The following HFM1 variants were observed in gnomAD, a reference collection of about 807,000 sequenced individuals.
HFM1 encodes the protein helicase for meiosis 1.
HFM1 carries 169 observed loss-of-function variants against 192.1 expected under a neutral mutation model. The ratio of observed to expected loss-of-function variants is 0.88; its 90% CI spans 0.78 to 1.00. The LOEUF is 1.00. Among genes scored for constraint, HFM1 ranks in the 50% least tolerant of loss-of-function variants. HFM1 has a pLI of 0.00. For missense variants in HFM1, 1,661 were observed against 1,668.0 expected (o/e 1.00, Z 0.07); for synonymous variants, 525 against 537.8 (o/e 0.98, Z 0.33).
chr1:91,268,438 T>A (rs1280861001), intron 34 of HFM1, among the ~76,000 whole-genome samples: 1 of 151,978 alleles, frequency 6.6e-6, no homozygotes, highest in African/African-American at 2.4e-5. Flanking sequence ...AAGTGAAAAT[T>A]CCACTTCTCT....
In HFM1 at chr1:91,292,422, A is replaced by G. The variant is rs549225160; in HGVS notation, c.3392-15360T>C. Among the ~76,000 whole-genome samples, 18 of 134,432 alleles carry G rather than the reference A, an allele frequency of 1.3e-4. No individual in the cohort carries two copies. In the South Asian group the frequency reaches 2.4e-3, roughly 18 times the overall value. The allele number at this position is 134,432 out of a possible 152,430, so 88.2% of individuals were successfully genotyped here. A position where few individuals can be genotyped will look rare whatever the true frequency, so the allele number is the denominator to read the frequency against. On this transcript the variant is annotated intron_variant, in intron 30 of 38. Coordinates refer to ENST00000370425, the MANE Select transcript of HFM1 (RefSeq NM_001017975.6). ...ATACACCAATAACAGACAAACAGAGAGCCAAATCATGAGTGAACTCCCATT... is the reference window on the plus strand; with the variant it reads ...ATACACCAATAACAGACAAACAGAGGGCCAAATCATGAGTGAACTCCCATT...
chr1:91,384,291 G>A (rs1661909248), intron 6 of HFM1, among the ~76,000 whole-genome samples: 1 of 152,076 alleles, frequency 6.6e-6, no homozygotes, highest in Non-Finnish European at 1.5e-5. Flanking sequence ...CATAGATCAT[G>A]GGGAAACAGT....
intron 30 of HFM1, among the ~76,000 whole-genome samples, chr1:91,277,899 T>TA (rs1553184064): frequency 1.8e-5 from 2 of 112,826 alleles, no homozygotes; most frequent in Admixed American, 1.2e-4. Flanking sequence ...TTATATATGC[T>TA]TATATATAAT....
rs761322247 is a variant in HFM1, at chr1:91,262,279, A to T, written c.4200T>A (p.Phe1400Leu). The change falls in exon 38 of 39, where the codon TTT becomes TTA. Residue 1400 changes from phenylalanine to leucine, a missense_variant. Coordinates refer to ENST00000370425, the MANE Select transcript of HFM1 (RefSeq NM_001017975.6). Reference protein sequence around the residue: ...NSSNYKKVDFFIRNSECKKEV... With the variant: ...NSSNYKKVDFLIRNSECKKEV... ...CCTTTTTACATTCACTGTTTCTAATAAAAAAATCCACTTTTTTATAATTTG... is the reference window on the plus strand; with the variant it reads ...CCTTTTTACATTCACTGTTTCTAATTAAAAAATCCACTTTTTTATAATTTG... 17 of 1,451,336 alleles carry T rather than the reference A, an allele frequency of 1.2e-5. No individual in the cohort carries two copies. The highest frequency in any genetic ancestry group is 1.4e-5 in the African/African-American group (1 of 70,288). The allele number at this position is 1,451,336 out of a possible 1,614,324, so 89.9% of individuals were successfully genotyped here.
At chr1:91,385,976 A>G (rs1557507843) in intron 4 of HFM1, 142 bp from the exon 5 acceptor site, 1 of 652,002 alleles carries the variant, frequency 1.5e-6, no homozygotes, top group Non-Finnish European at 2.6e-6. Context: ...TTCTCCTAAA[A>G]TATAACTTGC....
At chr1:91,389,516 A>C (rs915225395) in intron 4 of HFM1, among the ~76,000 whole-genome samples, 16 of 152,130 alleles carry the variant, frequency 1.1e-4, no homozygotes, top group African/African-American at 3.9e-4. Context: ...TGCCCTTATA[A>C]AAAGAGGATG....
intron 19 of HFM1, among the ~76,000 whole-genome samples, chr1:91,346,705 AAACACTAGTTGATTAACTAAAT>A (rs1656185490): frequency 6.6e-6 from 1 of 152,262 alleles, no homozygotes; most frequent in Admixed American, 6.5e-5. Context: ...AACAAGTAAG[AAACACTAGTTGATTAACTAAAT>A]AACAAAGCTG....
At chr1:91,328,828 C>T in intron 20 of HFM1, 2 of 1,611,216 alleles carry the variant, frequency 1.2e-6, no homozygotes, top group Non-Finnish European at 1.7e-6. Flanking sequence ...GCCTCATGGG[C>T]ATCCCTTACC....
rs773471071 is a variant in HFM1 at position 91,319,164 on chromosome 1, A to G, written c.2726T>C (p.Leu909Pro). Residue 909 changes from leucine (L) to proline (P), a missense_variant, in exon 25 of 39, where the codon CTA (leucine) becomes CCA (proline). Leu to Pro is a moderately conservative substitution (Grantham distance 98). Transcript: ENST00000370425. Reference protein sequence around the residue: ...VAAQEKKFAVLLNSLILAKCF... With the variant: ...VAAQEKKFAVPLNSLILAKCF... ...TTTAGCTAAAATCAAACTATTCAAT[A>G]GTACAGCAAACTTCTTTTCTTGAGC... 1 of 1,610,012 alleles carries G rather than the reference A, an allele frequency of 6.2e-7. No homozygotes were observed. The highest frequency in any genetic ancestry group is 2.2e-5 in the East Asian group (1 of 44,814).
Position 91,380,983 on chromosome 1 carries a change from CT to C in HFM1, c.803-2del. ...TTGAAAATACTTCTAAATTTTGCCG[CT>C]TACAATAACATTAAGGAGTCAAATA... is the stretch of plus-strand genomic sequence containing the variant. On this transcript the variant is annotated splice_acceptor_variant, in intron 6 of 38. Transcript: ENST00000370425. LOFTEE classifies it high-confidence loss of function. 1 of 1,380,054 alleles carries C rather than the reference CT, an allele frequency of 7.2e-7. No homozygotes were observed. Among genetic ancestry groups the C allele is most frequent in the Non-Finnish European group, 1.0e-6 (1 of 970,598 alleles). The allele number at this position is 1,380,054 out of a possible 1,614,324, so 85.5% of individuals were successfully genotyped here.
chr1:91,319,137 C>T lies in HFM1; in HGVS notation c.2753G>A (p.Cys918Tyr), dbSNP rs1024277076. Residue 918 changes from cysteine (C) to tyrosine (Y), a missense_variant, in exon 25 of 39, where the codon TGT (cysteine) becomes TAT (tyrosine). By Grantham distance (194) the Cys-to-Tyr change is radical. Transcript: ENST00000370425. ...VLLNSLILAK[C>Y]FRCKLWENSL... Reference sequence around the variant, plus strand: ...GTTTTCCCAAAGTTTACACCTAAAACATTTAGCTAAAATCAAACTATTCAA... The same window carrying T: ...GTTTTCCCAAAGTTTACACCTAAAATATTTAGCTAAAATCAAACTATTCAA... 6 of 1,610,864 alleles carry T rather than the reference C, an allele frequency of 3.7e-6. No individual in the cohort carries two copies. The highest frequency in any genetic ancestry group is 3.4e-5 in the Admixed American group (2 of 59,424).
At chr1:91,310,334 T>C (rs952754217) in intron 30 of HFM1, among the ~76,000 whole-genome samples, 3 of 152,178 alleles carry the variant, frequency 2.0e-5, no homozygotes, top group Non-Finnish European at 4.4e-5. Context: ...CAGCCATGAA[T>C]TGATCACTGT....
In HFM1 at chr1:91,353,309, A is replaced by G. The variant is rs1657217697; in HGVS notation, c.1686-10T>C. The G allele has an allele frequency of 4.8e-6, 7 of 1,467,428 alleles. No individual in the cohort carries two copies. The highest frequency in any genetic ancestry group is 6.6e-6 in the Non-Finnish European group (7 of 1,061,244). 90.9% of individuals were successfully genotyped at this position (1,467,428 alleles called of 1,614,324 possible). On this transcript the variant is annotated splice_polypyrimidine_tract_variant and intron_variant, in intron 13 of 38. Transcript: ENST00000370425. ...TGCATACTTCTGTAACCTATTTAAA[A>G]ATACCATAAAATTATTGAGTTACTC...
In HFM1 at chr1:91,322,945, T is replaced by C; in HGVS notation, c.2582+5A>G. ...AAAACTTTCATAAGTATGAATCATCTTTACCAATTTACTTTCATTTCTCTT... is the reference window on the plus strand; with the variant it reads ...AAAACTTTCATAAGTATGAATCATCCTTACCAATTTACTTTCATTTCTCTT... On this transcript the variant is annotated splice_donor_5th_base_variant and intron_variant, in intron 23 of 38. Coordinates refer to ENST00000370425, the MANE Select transcript of HFM1 (RefSeq NM_001017975.6). 1 of 1,289,494 alleles carries C rather than the reference T, an allele frequency of 7.8e-7. No homozygotes were observed. Among genetic ancestry groups the C allele is most frequent in the Non-Finnish European group, 1.0e-6 (1 of 955,586 alleles). 79.9% of individuals were successfully genotyped at this position (1,289,494 alleles called of 1,614,324 possible).
At chr1:91,287,147 G>C (rs901460313) in intron 30 of HFM1, among the ~76,000 whole-genome samples, 6 of 152,344 alleles carry the variant, frequency 3.9e-5, no homozygotes, top group African/African-American at 1.4e-4. Context: ...CTCGAACTGG[G>C]TGGAGCCCAC....
intron 23 of HFM1, among the ~76,000 whole-genome samples, chr1:91,320,251 A>T (rs930720367): frequency 1.3e-4 from 20 of 152,224 alleles, no homozygotes; most frequent in African/African-American, 4.8e-4. Flanking sequence ...ATATTTCATG[A>T]TTTCGTTTAG....
chr1:91,354,893 T>C (rs908223309), intron 13 of HFM1, among the ~76,000 whole-genome samples: 9 of 152,128 alleles, frequency 5.9e-5, no homozygotes, highest in Non-Finnish European at 1.3e-4. Context: ...TGAAAACATA[T>C]GAAAGCATAA....
At chr1:91,360,183 T>C (rs1423868511) in intron 13 of HFM1, among the ~76,000 whole-genome samples, 1 of 152,072 alleles carries the variant, frequency 6.6e-6, no homozygotes, top group South Asian at 2.1e-4. Flanking sequence ...CAGGATCAAA[T>C]TCACACATAA....
intron 20 of HFM1, among the ~76,000 whole-genome samples, chr1:91,334,580 G>A (rs1222319050): frequency 1.3e-5 from 2 of 152,106 alleles, no homozygotes; most frequent in African/African-American, 2.4e-5. Context: ...TTGGTTGTGG[G>A]TAGGAGTATG....
Sources: allele counts gnomAD v4.1 joint callset (sites outside exome capture counted in the v4.1 genomes callset), GRCh38; gene constraint gnomAD v4.1.1; transcripts MANE v1.5; gene names NCBI Gene and HGNC (gene_info 2026-07-23, HGNC 2026-07-21).